Variants in NFAT5 observed in about 807,000 individuals in gnomAD.
The protein encoded by NFAT5 is nuclear factor of activated T cells 5.
A neutral mutation model predicts 166.5 loss-of-function variants in NFAT5; 31 were observed. That is an observed-to-expected ratio of 0.19 (90% CI 0.14 to 0.25). NFAT5 has a LOEUF of 0.25. Among genes scored for constraint, NFAT5 ranks in the 10% least tolerant of loss-of-function variants. The pLI, the probability that NFAT5 is intolerant of heterozygous loss-of-function variation, is 1.00. For missense variants in NFAT5, 1,449 were observed against 1,821.8 expected (o/e 0.80, Z 3.72); for synonymous variants, 612 against 639.7 (o/e 0.96, Z 0.65).
chr16:69,602,799 T>G (rs1435460517), intron 2 of NFAT5, among the ~76,000 whole-genome samples: 2 of 150,024 alleles, frequency 1.3e-5, no homozygotes, highest in African/African-American at 4.9e-5. Flanking sequence ...TTGGTAGAGA[T>G]AAGGTTTTGC....
chr16:69,677,077 T>G, intron 9 of NFAT5, 126 bp from the exon 10 acceptor site: 1 of 919,518 alleles, frequency 1.1e-6, no homozygotes. Context: ...ACCTGAGCTT[T>G]AAAATGCATT....
At chr16:69,570,391 G>A (rs894255343) in intron 2 of NFAT5, among the ~76,000 whole-genome samples, 20 of 151,926 alleles carry the variant, frequency 1.3e-4, no homozygotes, top group Non-Finnish European at 2.4e-4. Context: ...TAAAAGTAGA[G>A]AGAATAAAAT....
rs756436874 is a variant in NFAT5, at chr16:69,647,623, A to T, written c.812+37A>T. The T allele has an allele frequency of 5.3e-6, 8 of 1,496,658 alleles. No individual in the cohort carries two copies. In the Admixed American group the frequency reaches 1.8e-4, roughly 33 times the overall value. The allele number at this position is 1,496,658 out of a possible 1,614,324, so 92.7% of individuals were successfully genotyped here. On this transcript the variant is annotated intron_variant, in intron 4 of 14. Coordinates refer to ENST00000349945, the MANE Select transcript of NFAT5 (RefSeq NM_138713.4). This position sits in a 1 kb window ranked among gnomAD's most constrained non-coding sequence, Gnocchi z 4.8. ...CATTTTTTAAAATTCTATCATCATT[A>T]TGCAAAACAAACAAACAAAAAAAAT...
In NFAT5 at chr16:69,692,340, A is replaced by T; in HGVS notation, c.2515A>T (p.Asn839Tyr). 6.2e-7 allele frequency: 1 copy of T among 1,614,204 alleles called. No homozygotes were observed. Among genetic ancestry groups the T allele is most frequent in the Middle Eastern group, 1.6e-4 (1 of 6,062 alleles). The change falls in exon 13 of 15, where the codon AAT becomes TAT. Residue 839 changes from asparagine to tyrosine, a missense_variant. By Grantham distance (143) the Asn-to-Tyr change is moderately radical (BLOSUM62 -2). Transcript: ENST00000349945. ...ATTTTCTGCTCCAGATGGTAATGAG[A>T]ATGTTCAAGAGCAGCTTAGTGCAGA... Reference protein sequence around the residue: ...VLFSAPDGNENVQEQLSADIF... With the variant: ...VLFSAPDGNEYVQEQLSADIF...
intron 2 of NFAT5, among the ~76,000 whole-genome samples, chr16:69,609,045 C>T (rs952182976): frequency 1.3e-5 from 2 of 151,054 alleles, no homozygotes; most frequent in Admixed American, 1.3e-4. Context: ...AGTGTGAACC[C>T]AGGAGGCAGA....
chr16:69,583,628 A>G (rs576198200), intron 2 of NFAT5, among the ~76,000 whole-genome samples: 3 of 152,238 alleles, frequency 2.0e-5, no homozygotes, highest in African/African-American at 7.2e-5. Context: ...GCAGTAAACA[A>G]TAAAGAACAT....
chr16:69,641,042 G>T lies in NFAT5; in HGVS notation c.254-5986G>T, dbSNP rs1292645463. Reference sequence around the variant, plus strand: ...CACCTGTAATCCCAGCACTTTGAGAGGCCAAAGTGGGCAGAACACAAGGTC... The same window carrying T: ...CACCTGTAATCCCAGCACTTTGAGATGCCAAAGTGGGCAGAACACAAGGTC... On this transcript the variant is annotated intron_variant, in intron 3 of 14. Transcript: ENST00000349945. Among the ~76,000 whole-genome samples, 49 of 151,232 alleles carry T rather than the reference G, an allele frequency of 3.2e-4. 1 individual carries two copies. The highest frequency in any genetic ancestry group is 3.2e-3 in the Admixed American group (49 of 15,168).
intron 2 of NFAT5, among the ~76,000 whole-genome samples, chr16:69,605,091 A>C (rs2033335299): frequency 6.6e-6 from 1 of 152,148 alleles, no homozygotes; most frequent in Non-Finnish European, 1.5e-5. Context: ...TTTCTTTTTT[A>C]AAGGAAAATG....
Position 69,647,455 on chromosome 16 carries a change from G to T in NFAT5, c.681G>T (p.Arg227Ser). 6.2e-7 allele frequency: 1 copy of T among 1,614,044 alleles called. No individual in the cohort carries two copies. Among genetic ancestry groups the T allele is most frequent in the Non-Finnish European group, 8.5e-7 (1 of 1,180,024 alleles). The change falls in exon 4 of 15, where the codon AGG becomes AGT. Residue 227 changes from arginine (R) to serine (S), a missense_variant. Arg to Ser is a moderately radical substitution (Grantham distance 110). Around this residue, in one of 7 missense-constraint regions of NFAT5, gnomAD observed 115 missense variants for 177.1 expected, o/e 0.65. Transcript: ENST00000349945. This position sits in a 1 kb window ranked among gnomAD's most constrained non-coding sequence, Gnocchi z 4.8. The stretch of plus-strand genomic sequence containing the variant: ...CACGAAAACGAAATCCAAAGCAGAG[G>T]CCGGGGGTCAAACGACGAGATTGTG... ...RKSRKRNPKQ[R>S]PGVKRRDCEE...
chr16:69,676,599 A>G (rs1398559528), intron 9 of NFAT5, among the ~76,000 whole-genome samples: 1 of 152,216 alleles, frequency 6.6e-6, no homozygotes, highest in African/African-American at 2.4e-5. Context: ...AGTGAAGAAC[A>G]AAACAGCCTA....
At chr16:69,663,661 G>C (rs945271056) in intron 7 of NFAT5, among the ~76,000 whole-genome samples, 2 of 151,580 alleles carry the variant, frequency 1.3e-5, no homozygotes, top group African/African-American at 4.9e-5. Context: ...CTTGAAGCCA[G>C]GAGTTGGAAA....
intron 2 of NFAT5, among the ~76,000 whole-genome samples, chr16:69,572,379 A>G (rs1040307181): frequency 6.6e-6 from 1 of 152,214 alleles, no homozygotes; most frequent in African/African-American, 2.4e-5. Context: ...AAAAGTATAC[A>G]TCACTGATTT....
chr16:69,678,932 CTCTTT>C (rs909064357), intron 10 of NFAT5, among the ~76,000 whole-genome samples: 5 of 152,040 alleles, frequency 3.3e-5, no homozygotes, highest in African/African-American at 4.8e-5. Context: ...ATTCACTATT[CTCTTT>C]TCTTTTCTTT....
chr16:69,693,431 G>A lies in NFAT5; in HGVS notation c.3606G>A (p.Gln1202=), dbSNP rs756496477. ...SNSEQQAAFQ[Q]QAPISHIQTP... Reference sequence around the variant, plus strand: ...GTGAACAACAAGCTGCTTTCCAACAGCAAGCTCCAATATCACACATCCAGA... The same window carrying A: ...GTGAACAACAAGCTGCTTTCCAACAACAAGCTCCAATATCACACATCCAGA... The change falls in exon 13 of 15, where the codon CAG becomes CAA. Residue 1202 remains glutamine (Q), a synonymous_variant. Coordinates refer to ENST00000349945, the MANE Select transcript of NFAT5 (RefSeq NM_138713.4). 1 of 1,614,114 alleles carries A rather than the reference G, an allele frequency of 6.2e-7. No homozygotes were observed. The highest frequency in any genetic ancestry group is 8.5e-7 in the Non-Finnish European group (1 of 1,180,024).
At chr16:69,599,796 A>G (rs186316073) in intron 2 of NFAT5, among the ~76,000 whole-genome samples, 11 of 152,298 alleles carry the variant, frequency 7.2e-5, no homozygotes, top group Admixed American at 5.9e-4. Flanking sequence ...AGTGCTTGGC[A>G]TGTTCAAGAA....
At chr16:69,662,643 G>A (rs1194506482) in intron 7 of NFAT5, among the ~76,000 whole-genome samples, 1 of 151,832 alleles carries the variant, frequency 6.6e-6, no homozygotes, top group East Asian at 1.9e-4. Context: ...GTATTTTTTA[G>A]TAGAGACGGG....
chr16:69,699,390 C>T lies in NFAT5; in HGVS notation c.*3039C>T, dbSNP rs750554265. The T allele has an allele frequency of 1.3e-5, 2 of 152,552 alleles. No individual in the cohort carries two copies. Among genetic ancestry groups the T allele is most frequent in the Non-Finnish European group, 2.9e-5 (2 of 67,990 alleles). 9.4% of individuals were successfully genotyped at this position (152,552 alleles called of 1,614,324 possible). Reference sequence around the variant, plus strand: ...TTTGATCGGATGGAGACAGAAAACCCGATTTTTATTCTCATAAATTTTGTG... The same window carrying T: ...TTTGATCGGATGGAGACAGAAAACCTGATTTTTATTCTCATAAATTTTGTG... On this transcript the variant is annotated 3_prime_UTR_variant, in exon 15 of 15. Transcript: ENST00000349945.
chr16:69,693,488 C>G lies in NFAT5; in HGVS notation c.3663C>G (p.Pro1221=). 10 of 1,614,152 alleles carry G rather than the reference C, an allele frequency of 6.2e-6. No homozygotes were observed. The highest frequency in any genetic ancestry group is 6.8e-6 in the Non-Finnish European group (8 of 1,180,018). ...TGCTTTCCCAAGAACAGGCACAACC[C>G]CCGCAGCAGGGTTTATTTCAGCCTC... ...TPMLSQEQAQ[P]PQQGLFQPQV... is the part of the protein sequence containing the mutation. The change falls in exon 13 of 15, where the codon CCC becomes CCG. Residue 1221 remains proline (P), a synonymous_variant. Coordinates refer to ENST00000349945, the MANE Select transcript of NFAT5 (RefSeq NM_138713.4).
In NFAT5 at chr16:69,679,190, C is replaced by A. The variant is rs2036954396; in HGVS notation, c.1690+1855C>A. On this transcript the variant is annotated intron_variant, in intron 10 of 14. Transcript: ENST00000349945. ...AGGTGATCTGCCCGCCTCGGCCTCC[C>A]AAAGTGCTGGGATTACAGGCGTGAG... Among the ~76,000 whole-genome samples, 3 of 152,112 alleles carry A rather than the reference C, an allele frequency of 2.0e-5. No individual in the cohort carries two copies. The South Asian group carries it at 6.2e-4, about 32-fold the overall frequency.
Sources: gnomAD v4.1 joint callset for allele counts (sites outside exome capture counted in the v4.1 genomes callset) on GRCh38, gnomAD v4.1.1 for gene constraint, gnomAD v4.1.1 regional missense constraint, Gnocchi (gnomAD v3.1) non-coding constraint, MANE v1.5 for transcripts, NCBI Gene and HGNC (gene_info 2026-07-23, HGNC 2026-07-21) for gene names.